Variants in SHISA5 observed in about 807,000 individuals in gnomAD.
The protein encoded by SHISA5 is shisa family member 5.
A neutral mutation model predicts 27.5 loss-of-function variants in SHISA5; 21 were observed. That is an observed-to-expected ratio of 0.76 (90% confidence interval 0.54 to 1.10). The LOEUF is 1.10. Among genes scored for constraint, SHISA5 ranks in the 50% least tolerant of loss-of-function variants. SHISA5 has a pLI of 0.00. For missense variants in SHISA5, 314 were observed against 336.3 expected (o/e 0.93, Z 0.52); for synonymous variants, 137 against 142.2 (o/e 0.96, Z 0.26).
chr3:48,471,411 G>A (rs1011644206), intron 3 of SHISA5, among the ~76,000 whole-genome samples: 22 of 78,622 alleles, frequency 2.8e-4, no homozygotes, highest in African/African-American at 1.2e-3. Flanking sequence ...GTGAAACCCC[G>A]TCTCTACTAA....
intron 2 of SHISA5, among the ~76,000 whole-genome samples, chr3:48,494,168 G>A (rs2041493881): frequency 6.8e-6 from 1 of 147,118 alleles, no homozygotes; most frequent in Admixed American, 6.6e-5. Flanking sequence ...GTTTCTATGA[G>A]TTTGACTTTG....
At chr3:48,483,348 T>G (rs1325275581) in intron 2 of SHISA5, among the ~76,000 whole-genome samples, 1 of 151,998 alleles carries the variant, frequency 6.6e-6, no homozygotes, top group Non-Finnish European at 1.5e-5. Flanking sequence ...GCACCGCCCT[T>G]AATCCATTTA....
rs775016247 is a variant in SHISA5, at chr3:48,501,316, T to C, written c.77-23A>G. The C allele has an allele frequency of 1.8e-5, 29 of 1,610,090 alleles. No homozygotes were observed. In the East Asian group the frequency reaches 6.2e-4, roughly 35 times the overall value. ...GTGCTGGAGAGGAGAAACACATCTG[T>C]TCACCTGTGCCCACGGGCCAGGCCC... On this transcript the variant is annotated intron_variant, in intron 1 of 5. Transcript: ENST00000296444.
chr3:48,484,216 C>T (rs1159301182), intron 2 of SHISA5, among the ~76,000 whole-genome samples: 1 of 152,108 alleles, frequency 6.6e-6, no homozygotes, highest in Non-Finnish European at 1.5e-5. Context: ...AGATGTAAAA[C>T]AAAATAAAAT....
At chr3:48,493,412 C>G (rs2041480960) in intron 2 of SHISA5, among the ~76,000 whole-genome samples, 1 of 146,096 alleles carries the variant, frequency 6.8e-6, no homozygotes, top group East Asian at 1.9e-4. Context: ...TGAGACTGTG[C>G]CACTGCACTA....
chr3:48,491,763 C>T (rs1480658412), intron 2 of SHISA5, among the ~76,000 whole-genome samples: 2 of 151,994 alleles, frequency 1.3e-5, no homozygotes, highest in Non-Finnish European at 2.9e-5. Flanking sequence ...ATTCTCCCAC[C>T]TCAGCCTCCT....
At chr3:48,492,400 G>A (rs1004259107) in intron 2 of SHISA5, among the ~76,000 whole-genome samples, 6 of 148,606 alleles carry the variant, frequency 4.0e-5, no homozygotes. Context: ...AACCCGGGAG[G>A]CGGAGCTTGC....
At chr3:48,494,541 C>T (rs957756853) in intron 2 of SHISA5, among the ~76,000 whole-genome samples, 2 of 147,306 alleles carry the variant, frequency 1.4e-5, no homozygotes, top group Non-Finnish European at 2.9e-5. Flanking sequence ...GATCCACCCC[C>T]CCTTGGCCTC....
chr3:48,480,282 G>C (rs2040966408), intron 2 of SHISA5, among the ~76,000 whole-genome samples: 1 of 144,008 alleles, frequency 6.9e-6, no homozygotes, highest in Non-Finnish European at 1.5e-5. Context: ...AACTAAGAAG[G>C]TACAAAAAAA....
chr3:48,475,750 G>T (rs531260059), intron 3 of SHISA5, among the ~76,000 whole-genome samples: 1 of 152,194 alleles, frequency 6.6e-6, no homozygotes, highest in African/African-American at 2.4e-5. Flanking sequence ...AGTCTTGCCC[G>T]ACAGTCCTGT....
chr3:48,497,714 C>T (rs898284719), intron 2 of SHISA5, among the ~76,000 whole-genome samples: 4 of 151,848 alleles, frequency 2.6e-5, no homozygotes, highest in Non-Finnish European at 4.4e-5. Context: ...TAGGGAGACC[C>T]TGTCTCTACA....
At chr3:48,489,569 G>C in intron 2 of SHISA5, among the ~76,000 whole-genome samples, 1 of 147,810 alleles carries the variant, frequency 6.8e-6, no homozygotes. Flanking sequence ...TGATCCGCCC[G>C]CCTCGGCCTC....
intron 2 of SHISA5, among the ~76,000 whole-genome samples, chr3:48,489,021 G>C (rs2041339288): frequency 6.6e-6 from 1 of 152,018 alleles, no homozygotes; most frequent in African/African-American, 2.4e-5. Context: ...CCTAGCACCT[G>C]CCAGAGGGGA....
In SHISA5 at chr3:48,468,851, A is replaced by T. The variant is rs1219613496; in HGVS notation, c.*256T>A. The stretch of plus-strand genomic sequence containing the variant: ...CACCCCATTCTTTGAGTTTGGCTTG[A>T]GATTTTAGGAAGCATAATTTCAGGT... On this transcript the variant is annotated 3_prime_UTR_variant, in exon 6 of 6. Transcript: ENST00000296444. The T allele has an allele frequency of 4.0e-6, 6 of 1,511,712 alleles. No individual in the cohort carries two copies. The highest frequency in any genetic ancestry group is 5.3e-6 in the Non-Finnish European group (6 of 1,131,538). 93.6% of individuals were successfully genotyped at this position (1,511,712 alleles called of 1,614,324 possible). A position where few individuals can be genotyped will look rare whatever the true frequency, so the allele number is the denominator to read the frequency against.
chr3:48,503,756 G>A, intron 1 of SHISA5: 6 of 1,229,436 alleles, frequency 4.9e-6, no homozygotes, highest in Non-Finnish European at 6.1e-6. Flanking sequence ...TGGAACATGG[G>A]CGGGAGGGCA....
rs1302500158 is a variant in SHISA5 at position 48,470,295 on chromosome 3, CA to C, written c.315-453del. Among the ~76,000 whole-genome samples the C allele has an allele frequency of 6.6e-6, 1 of 152,230 alleles. No individual in the cohort carries two copies. The highest frequency in any genetic ancestry group is 1.5e-5 in the Non-Finnish European group (1 of 68,032). Reference sequence around the variant, plus strand: ...CAGACAGTGAAGATAACATGGCTCACAAAGCACAGGGTGAAGACTGAGAGAA... The same window carrying C: ...CAGACAGTGAAGATAACATGGCTCACAAGCACAGGGTGAAGACTGAGAGAA... On this transcript the variant is annotated intron_variant, in intron 3 of 5. Transcript: ENST00000296444. The surrounding 1 kb of genome is among the most constrained non-coding windows in gnomAD (Gnocchi z 4.3).
At chr3:48,475,687 C>T (rs2040801873) in intron 3 of SHISA5, among the ~76,000 whole-genome samples, 1 of 152,182 alleles carries the variant, frequency 6.6e-6, no homozygotes, top group Admixed American at 6.5e-5. Context: ...CAGTGGTGGC[C>T]TCCTTGGGGT....
intron 2 of SHISA5, among the ~76,000 whole-genome samples, chr3:48,483,626 G>A (rs1405582703): frequency 6.6e-6 from 1 of 151,984 alleles, no homozygotes; most frequent in East Asian, 1.9e-4. Context: ...ACGGGGTGGT[G>A]GCCGGGCAGA....
In SHISA5 at chr3:48,469,436, G is replaced by A. The variant is rs774436509; in HGVS notation, c.568C>T (p.Pro190Ser). 6.2e-7 allele frequency: 1 copy of A among 1,613,460 alleles called. No individual in the cohort carries two copies. The change falls in exon 5 of 6, where the codon CCC (proline) becomes TCC (serine). Residue 190 changes from proline to serine, a missense_variant. Transcript: ENST00000296444. The surrounding 1 kb of genome is among the most constrained non-coding windows in gnomAD (Gnocchi z 4.6). ...GGTGGTGGGTACTGCATTGGGTAGG[G>A]TGCTGCTGGCATCCCTGGCTGAGGC... ...MPPQPGMPAAPYPMQYPPPYP... is the reference protein window; with the variant it reads ...MPPQPGMPAASYPMQYPPPYP...
Sources: allele counts gnomAD v4.1 joint callset (sites outside exome capture counted in the v4.1 genomes callset), GRCh38; gene constraint gnomAD v4.1.1; non-coding constraint Gnocchi (gnomAD v3.1); transcripts MANE v1.5; gene names NCBI Gene and HGNC (gene_info 2026-07-23, HGNC 2026-07-21).